Variants in GRIA2 observed in about 807,000 individuals in gnomAD.
The protein encoded by GRIA2 is glutamate receptor 2.
A neutral mutation model predicts 97.3 loss-of-function variants in GRIA2; 14 were observed. The observed-to-expected ratio is 0.14, with a 90% CI of 0.10 to 0.23. The LOEUF is 0.23. Among genes scored for constraint, GRIA2 ranks in the 10% least tolerant of loss-of-function variants. The pLI is 1.00. For missense variants in GRIA2, 558 were observed against 1,069.8 expected, an observed-to-expected ratio of 0.52 and a Z score of 6.67; for synonymous variants, 412 against 387.8, an observed-to-expected ratio of 1.06 and a Z score of -0.73.
chr4:157,331,506 G>T (rs1735045903), intron 6 of GRIA2, among the ~76,000 whole-genome samples: 1 of 151,786 alleles, frequency 6.6e-6, no homozygotes, highest in Non-Finnish European at 1.5e-5. Context: ...AATTATCTTG[G>T]CAATAAACTT....
chr4:157,323,011 G>A (rs1019925138), intron 6 of GRIA2, among the ~76,000 whole-genome samples: 5 of 152,032 alleles, frequency 3.3e-5, no homozygotes, highest in South Asian at 2.1e-4. Flanking sequence ...CAAAAACGAG[G>A]TGACTTCCTA....
chr4:157,252,329 G>T (rs969344189), intron 2 of GRIA2, among the ~76,000 whole-genome samples: 1 of 152,108 alleles, frequency 6.6e-6, no homozygotes, highest in Admixed American at 6.6e-5. Flanking sequence ...TTACTTGAAG[G>T]AATGACTGAT....
intron 12 of GRIA2, among the ~76,000 whole-genome samples, chr4:157,351,444 G>C (rs1444212433): frequency 6.6e-6 from 1 of 152,080 alleles, no homozygotes; most frequent in African/African-American, 2.4e-5. Context: ...TAATGAGTAG[G>C]CATTCCATTA....
intron 11 of GRIA2, among the ~76,000 whole-genome samples, chr4:157,340,086 C>A (rs1735482124): frequency 6.6e-6 from 1 of 151,740 alleles, no homozygotes. Context: ...TCTCTCCTTT[C>A]TTAACTGCTT....
In GRIA2 at chr4:157,238,104, G is replaced by A. The variant is rs768278246; in HGVS notation, c.229+16297G>A. Among the ~76,000 whole-genome samples, 73 of 152,064 alleles carry A rather than the reference G, an allele frequency of 4.8e-4. 1 individual carries two copies. Among genetic ancestry groups the A allele is most frequent in the Non-Finnish European group, 1.0e-3 (68 of 67,960 alleles). ...TAACACTGTATTTAGTTTCATCCCC[G>A]GTTTGTCTTAAGAATCAGTTATGTG... On this transcript the variant is annotated intron_variant, in intron 2 of 15. Coordinates refer to ENST00000264426, the MANE Select transcript of GRIA2 (RefSeq NM_001083619.3).
rs573329921 is a variant in GRIA2 at position 157,267,417 on chromosome 4, A to G, written c.230-36135A>G. 1.3e-3 allele frequency among the ~76,000 whole-genome samples: 201 copies of G among 150,460 alleles called. 2 individuals carry two copies. The highest frequency in any genetic ancestry group is 1.3e-3 in the Non-Finnish European group (90 of 67,454). ...AAAAAAAAAAAAAAAAAAAAAAGTT[A>G]AAAAACTTTGAATCTTTAATGTGGG... On this transcript the variant is annotated intron_variant, in intron 2 of 15. Coordinates refer to ENST00000264426, the MANE Select transcript of GRIA2 (RefSeq NM_001083619.3).
At chr4:157,318,542 AC>A (rs1454578397) in intron 5 of GRIA2, among the ~76,000 whole-genome samples, 1 of 152,188 alleles carries the variant, frequency 6.6e-6, no homozygotes, top group Non-Finnish European at 1.5e-5. Flanking sequence ...CTCAGAATAA[AC>A]CTTTTACAAT....
chr4:157,358,497 C>G (rs1170072168), intron 12 of GRIA2, among the ~76,000 whole-genome samples: 1 of 152,088 alleles, frequency 6.6e-6, no homozygotes, highest in Non-Finnish European at 1.5e-5. Context: ...CAGTGGTTTA[C>G]TTAATTAGGT....
At chr4:157,307,778 G>A (rs550829208) in intron 3 of GRIA2, among the ~76,000 whole-genome samples, 2 of 152,246 alleles carry the variant, frequency 1.3e-5, no homozygotes, top group East Asian at 3.9e-4. Flanking sequence ...TGTATATCTT[G>A]GTTTCAATAT....
chr4:157,223,705 A>G (rs1222807633), intron 2 of GRIA2, among the ~76,000 whole-genome samples: 5 of 152,214 alleles, frequency 3.3e-5, no homozygotes, highest in Admixed American at 6.5e-5. Flanking sequence ...GGGTATAGGA[A>G]GGACATAGGT....
At chr4:157,241,825 G>T (rs891373744) in intron 2 of GRIA2, among the ~76,000 whole-genome samples, 1 of 151,932 alleles carries the variant, frequency 6.6e-6, no homozygotes, top group Admixed American at 6.6e-5. Flanking sequence ...TGGAAGAAAA[G>T]AAACATGTTT....
intron 2 of GRIA2, among the ~76,000 whole-genome samples, chr4:157,279,416 A>G (rs1363806044): frequency 6.6e-6 from 1 of 152,180 alleles, no homozygotes; most frequent in East Asian, 1.9e-4. Context: ...CAGTAGAAAA[A>G]TCAGTAATTG....
At chr4:157,266,882 G>C (rs966091296) in intron 2 of GRIA2, among the ~76,000 whole-genome samples, 2 of 151,888 alleles carry the variant, frequency 1.3e-5, no homozygotes, top group Non-Finnish European at 2.9e-5. Context: ...AGCAGAGTGA[G>C]ACTCTGTCTC....
chr4:157,279,277 C>A (rs185218626), intron 2 of GRIA2, among the ~76,000 whole-genome samples: 4 of 152,146 alleles, frequency 2.6e-5, no homozygotes, highest in Admixed American at 6.5e-5. Context: ...CTAAAAAGAA[C>A]TATCAAGCCA....
At chr4:157,266,669 G>C (rs1223751135) in intron 2 of GRIA2, among the ~76,000 whole-genome samples, 2 of 152,064 alleles carry the variant, frequency 1.3e-5, no homozygotes, top group Non-Finnish European at 1.5e-5. Flanking sequence ...GACTTATCTG[G>C]AGATGTTTGG....
chr4:157,255,043 G>C (rs973455053), intron 2 of GRIA2, among the ~76,000 whole-genome samples: 1 of 151,982 alleles, frequency 6.6e-6, no homozygotes, highest in African/African-American at 2.4e-5. Flanking sequence ...AGTGTACATT[G>C]TACCTAATAG....
intron 12 of GRIA2, among the ~76,000 whole-genome samples, chr4:157,352,164 C>CT (rs1178287152): frequency 1.3e-5 from 2 of 152,068 alleles, no homozygotes; most frequent in Admixed American, 1.3e-4. Context: ...TGTTAAGTGA[C>CT]TTTTTTATTT....
intron 2 of GRIA2, among the ~76,000 whole-genome samples, chr4:157,290,945 T>A (rs1349509499): frequency 6.6e-6 from 1 of 151,978 alleles, no homozygotes; most frequent in African/African-American, 2.4e-5. Context: ...TGCAATATAC[T>A]CTGTGATTTA....
At chr4:157,259,126 G>C (rs1016294045) in intron 2 of GRIA2, among the ~76,000 whole-genome samples, 46 of 152,094 alleles carry the variant, frequency 3.0e-4, no homozygotes, top group African/African-American at 1.0e-3. Flanking sequence ...TACTAAGGAG[G>C]CTGAAATGAG....
Sources: allele counts gnomAD v4.1 joint callset (sites outside exome capture counted in the v4.1 genomes callset), GRCh38; gene constraint gnomAD v4.1.1; transcripts MANE v1.5; gene names NCBI Gene and HGNC (gene_info 2026-07-23, HGNC 2026-07-21).